Variants in MTRF1 observed in about 807,000 individuals in gnomAD.
MTRF1 encodes mitochondrial translation release factor 1, also known as peptide chain release factor 1, mitochondrial.
MTRF1 carries 51 observed loss-of-function variants against 62.9 expected under a neutral mutation model. The observed-to-expected ratio is 0.81, with a 90% CI of 0.65 to 1.02. The LOEUF is 1.02. MTRF1 is among the 50% of genes least tolerant of loss of function. The pLI is 0.00. For missense variants in MTRF1, 446 were observed against 530.0 expected (o/e 0.84, Z 1.56); for synonymous variants, 158 against 181.9 (o/e 0.87, Z 1.06).
intron 2 of MTRF1, among the ~76,000 whole-genome samples, 173 bp from the exon 3 acceptor site, chr13:41,254,793 G>C (rs2039502558): frequency 6.6e-6 from 1 of 151,024 alleles, no homozygotes; most frequent in South Asian, 2.1e-4. Flanking sequence ...TATTTGCTAA[G>C]CATTTCCAAA....
At chr13:41,256,516 G>A (rs1246781545) in intron 2 of MTRF1, among the ~76,000 whole-genome samples, 2 of 151,894 alleles carry the variant, frequency 1.3e-5, no homozygotes, top group African/African-American at 4.8e-5. Context: ...TAGTAGAGAC[G>A]GGGTTTCACC....
At chr13:41,284,213 C>T in the MTRF1 span, among the ~76,000 whole-genome samples, 32 of 151,354 alleles carry the variant, frequency 2.1e-4, no homozygotes, top group East Asian at 9.8e-4. Context: ...AGGCCTAGCA[C>T]GGTGGCTCAT....
chr13:41,280,635 C>A, the MTRF1 span, among the ~76,000 whole-genome samples: 2 of 152,122 alleles, frequency 1.3e-5, no homozygotes, highest in African/African-American at 4.8e-5. Context: ...TTATGTCTCC[C>A]TAAAATGTGT....
At chr13:41,301,531 T>A in the MTRF1 span, among the ~76,000 whole-genome samples, 25 of 152,154 alleles carry the variant, frequency 1.6e-4, no homozygotes, top group Non-Finnish European at 5.9e-5. Context: ...ACGGATCACC[T>A]GAAGTCAGGA....
chr13:41,288,183 C>A, the MTRF1 span: 1 of 488,192 alleles, frequency 2.0e-6, no homozygotes. Flanking sequence ...TTTCCATCTA[C>A]CTTAACATTG....
At chr13:41,244,204 T>TA (rs1413096990) in intron 5 of MTRF1, among the ~76,000 whole-genome samples, 3 of 130,852 alleles carry the variant, frequency 2.3e-5, no homozygotes, top group African/African-American at 5.7e-5. Flanking sequence ...TTGCTTATTA[T>TA]AAAATCCTTA....
the MTRF1 span, among the ~76,000 whole-genome samples, chr13:41,298,246 G>C: frequency 6.6e-6 from 1 of 152,224 alleles, no homozygotes; most frequent in Admixed American, 6.5e-5. Flanking sequence ...TGGGATATTT[G>C]ATCAGCAAAA....
intron 9 of MTRF1, among the ~76,000 whole-genome samples, chr13:41,222,204 T>A (rs1222564177): frequency 6.6e-6 from 1 of 152,168 alleles, no homozygotes; most frequent in Admixed American, 6.6e-5. Context: ...CATAGTCCTT[T>A]ATGGGACCAG....
intron 9 of MTRF1, among the ~76,000 whole-genome samples, chr13:41,218,362 G>A (rs910099550): frequency 2.1e-5 from 3 of 146,328 alleles, no homozygotes; most frequent in African/African-American, 7.8e-5. Flanking sequence ...GAGCTCAAGC[G>A]ATCCTCCCAC....
At chr13:41,234,279 G>A (rs1022712996) in intron 6 of MTRF1, among the ~76,000 whole-genome samples, 2 of 152,190 alleles carry the variant, frequency 1.3e-5, no homozygotes, top group Admixed American at 1.3e-4. Flanking sequence ...CTGGGCTTAA[G>A]TGATCCTCCT....
chr13:41,265,103 T>C (rs946949317), upstream of MTRF1, among the ~76,000 whole-genome samples: 5 of 152,298 alleles, frequency 3.3e-5, no homozygotes, highest in Admixed American at 3.3e-4. Context: ...ACTTGAGTAT[T>C]ATATATAAAG....
chr13:41,265,993 G>C (rs2040832773), upstream of MTRF1, among the ~76,000 whole-genome samples: 3 of 152,026 alleles, frequency 2.0e-5, no homozygotes, highest in South Asian at 6.2e-4. Context: ...GGGACTACAG[G>C]TGCACACCAC....
At chr13:41,238,525 A>G (rs1214485255) in intron 6 of MTRF1, among the ~76,000 whole-genome samples, 1 of 152,194 alleles carries the variant, frequency 6.6e-6, no homozygotes, top group Non-Finnish European at 1.5e-5. Flanking sequence ...TTACAGAAGA[A>G]TGCCAGTTAA....
At chr13:41,268,210 G>T (rs530373203), upstream of MTRF1, among the ~76,000 whole-genome samples, 1 of 152,168 alleles carries the variant, frequency 6.6e-6, no homozygotes, top group African/African-American at 2.4e-5. Context: ...TAGGCAGATA[G>T]TAATGGTATG....
At chr13:41,303,419 C>T in the MTRF1 span, among the ~76,000 whole-genome samples, 4 of 152,148 alleles carry the variant, frequency 2.6e-5, no homozygotes, top group African/African-American at 4.8e-5. Flanking sequence ...GTATTCTGTA[C>T]GTGCTGGTCT....
Position 41,263,565 on chromosome 13 carries a change from A to C in MTRF1, c.-89T>G. 4.8e-6 allele frequency: 1 copy of C among 208,632 alleles called. No individual in the cohort carries two copies. The highest frequency in any genetic ancestry group is 6.6e-5 in the South Asian group (1 of 15,240). 12.9% of individuals were successfully genotyped at this position (208,632 alleles called of 1,614,324 possible). A position where few individuals can be genotyped will look rare whatever the true frequency, so the allele number is the denominator to read the frequency against. ...GACCCGCCACATTTCAGCCCGACAA[A>C]CCCGAGATCACGTTCACTTCCTGGT... On this transcript the variant is annotated 5_prime_UTR_variant, in exon 1 of 10. Coordinates refer to ENST00000379480, the MANE Select transcript of MTRF1 (RefSeq NM_004294.4).
At chr13:41,241,936 T>G (rs1256131522) in intron 5 of MTRF1, among the ~76,000 whole-genome samples, 1 of 152,248 alleles carries the variant, frequency 6.6e-6, no homozygotes, top group Non-Finnish European at 1.5e-5. Flanking sequence ...TGACACTGAA[T>G]GCATCACTGG....
intron 6 of MTRF1, chr13:41,236,450 T>C (rs1178324587): frequency 6.6e-6 from 1 of 152,178 alleles, no homozygotes; most frequent in East Asian, 1.9e-4. Flanking sequence ...AGAGCTAACA[T>C]TTTGTTCCAC....
At chr13:41,220,324 G>GAAAA (rs1249229258) in intron 9 of MTRF1, among the ~76,000 whole-genome samples, 1 of 32,660 alleles carries the variant, frequency 3.1e-5, no homozygotes, top group Non-Finnish European at 7.1e-5. Flanking sequence ...ATCTGTCTCG[G>GAAAA]AAAAAAAAAA....
Sources: gnomAD v4.1 joint callset for allele counts (sites outside exome capture counted in the v4.1 genomes callset) on GRCh38, gnomAD v4.1.1 for gene constraint, MANE v1.5 for transcripts, NCBI Gene and HGNC (gene_info 2026-07-23, HGNC 2026-07-21) for gene names.